The following SLC4A10 variants were observed in gnomAD, a reference collection of about 807,000 sequenced individuals.
SLC4A10 encodes sodium-driven chloride bicarbonate exchanger.
A neutral mutation model predicts 137.7 loss-of-function variants in SLC4A10; 42 were observed. The observed-to-expected ratio is 0.30, with a 90% CI of 0.24 to 0.39. SLC4A10 has a LOEUF of 0.39. SLC4A10 is among the 10% of genes least tolerant of loss of function. SLC4A10 has a pLI of 1.00. For synonymous variants in SLC4A10, 474 were observed against 464.1 expected (o/e 1.02, Z -0.27); for missense variants, 925 against 1,355.0 (o/e 0.68, Z 4.98).
At chr2:161,752,363 T>A (rs539115508) in intron 1 of SLC4A10, among the ~76,000 whole-genome samples, 75 of 152,102 alleles carry the variant, frequency 4.9e-4, no homozygotes, top group Admixed American at 2.9e-3. Flanking sequence ...AGCTCAAATT[T>A]AAAAAGCCTT....
At chr2:161,727,095 T>C (rs2125154883) in intron 1 of SLC4A10, among the ~76,000 whole-genome samples, 1 of 152,352 alleles carries the variant, frequency 6.6e-6, no homozygotes, top group South Asian at 2.1e-4. Context: ...CTTTGGACTA[T>C]GTAACCCAGG....
At chr2:161,914,906 C>T (rs2105443730) in intron 15 of SLC4A10, among the ~76,000 whole-genome samples, 1 of 152,162 alleles carries the variant, frequency 6.6e-6, no homozygotes, top group Non-Finnish European at 1.5e-5. Context: ...GGGGTGAGTC[C>T]CTGGCAAAAC....
rs960048271 is a variant in SLC4A10 at position 161,637,065 on chromosome 2, C to T, written c.48+12499C>T. 2.5e-5 allele frequency among the ~76,000 whole-genome samples: 3 copies of T among 122,218 alleles called. No individual in the cohort carries two copies. The Admixed American group carries it at 2.5e-4, about 10-fold the overall frequency. The allele number at this position is 122,218 out of a possible 152,430, so 80.2% of individuals were successfully genotyped here. A position where few individuals can be genotyped will look rare whatever the true frequency, so the allele number is the denominator to read the frequency against. Reference sequence around the variant, plus strand: ...TGTATATAGATATATATGTATATATCTATATACATAAATACGTATATACAT... The same window carrying T: ...TGTATATAGATATATATGTATATATTTATATACATAAATACGTATATACAT... On this transcript the variant is annotated intron_variant, in intron 1 of 26. Coordinates refer to ENST00000446997, the MANE Select transcript of SLC4A10 (RefSeq NM_001178015.2).
At position 161,903,915 on chromosome 2, in the gene SLC4A10, C is replaced by T. The variant is rs1683716297; in HGVS notation, c.1443-89C>T. The T allele has an allele frequency of 3.0e-6, 4 of 1,324,604 alleles. No individual in the cohort carries two copies. In the African/African-American group the frequency reaches 4.4e-5, roughly 15 times the overall value. 82.1% of individuals were successfully genotyped at this position (1,324,604 alleles called of 1,614,324 possible). A position where few individuals can be genotyped will look rare whatever the true frequency, so the allele number is the denominator to read the frequency against. ...CACCTCTGCTGATGGAAAACGTATA[C>T]TGTGACCTGGCAACAAAGCAAATGA... On this transcript the variant is annotated intron_variant, in intron 12 of 26. Transcript: ENST00000446997.
At chr2:161,681,810 C>T (rs796497577) in intron 1 of SLC4A10, among the ~76,000 whole-genome samples, 1 of 152,160 alleles carries the variant, frequency 6.6e-6, no homozygotes, top group African/African-American at 2.4e-5. Context: ...GGAATGAAAA[C>T]CTAATTGTGG....
intron 1 of SLC4A10, among the ~76,000 whole-genome samples, chr2:161,670,297 T>TCAA (rs2039541833): frequency 1.8e-5 from 1 of 56,342 alleles, no homozygotes; most frequent in Non-Finnish European, 4.8e-5. Flanking sequence ...CTCCCTTTCA[T>TCAA]CTTCTTTTTT....
chr2:161,818,327 T>C lies in SLC4A10; in HGVS notation c.277+13732T>C, dbSNP rs564960884. ...AATGCTTATGATTTTTCCACATTGATTTTTGTATCCTGAGACTTGTTGTAG... is the reference window on the plus strand; with the variant it reads ...AATGCTTATGATTTTTCCACATTGACTTTTGTATCCTGAGACTTGTTGTAG... On this transcript the variant is annotated intron_variant, in intron 3 of 26. Coordinates refer to ENST00000446997, the MANE Select transcript of SLC4A10 (RefSeq NM_001178015.2). Among the ~76,000 whole-genome samples, 13 of 152,334 alleles carry C rather than the reference T, an allele frequency of 8.5e-5. 1 individual carries two copies. In the South Asian group the frequency reaches 2.7e-3, roughly 32 times the overall value.
intron 6 of SLC4A10, among the ~76,000 whole-genome samples, chr2:161,863,989 C>T (rs1313597612): frequency 5.3e-5 from 8 of 152,092 alleles, no homozygotes; most frequent in Non-Finnish European, 4.4e-5. Context: ...ATCAAGAGGT[C>T]AGGAGATCGT....
chr2:161,739,888 A>G (rs2047710350), intron 1 of SLC4A10, among the ~76,000 whole-genome samples: 1 of 152,100 alleles, frequency 6.6e-6, no homozygotes, highest in African/African-American at 2.4e-5. Context: ...TTAATCCTGG[A>G]AGGGGCTCTT....
At chr2:161,720,280 CT>C (rs953436712) in intron 1 of SLC4A10, among the ~76,000 whole-genome samples, 1 of 152,126 alleles carries the variant, frequency 6.6e-6, no homozygotes, top group African/African-American at 2.4e-5. Context: ...CAGTACCATG[CT>C]GTTTTGGTTA....
At chr2:161,653,681 A>T (rs2037125124) in intron 1 of SLC4A10, among the ~76,000 whole-genome samples, 1 of 152,220 alleles carries the variant, frequency 6.6e-6, no homozygotes, top group Non-Finnish European at 1.5e-5. Context: ...ACTTAGCGTA[A>T]TGTCCTCAAG....
chr2:161,914,588 G>A (rs1686650342), intron 15 of SLC4A10, among the ~76,000 whole-genome samples: 1 of 152,008 alleles, frequency 6.6e-6, no homozygotes, highest in Non-Finnish European at 1.5e-5. Flanking sequence ...TCAATAGGAG[G>A]CTAATTTTAT....
intron 1 of SLC4A10, among the ~76,000 whole-genome samples, chr2:161,689,052 T>A (rs1364337382): frequency 6.6e-6 from 1 of 152,116 alleles, no homozygotes; most frequent in Admixed American, 6.6e-5. Flanking sequence ...ATATAAAGAT[T>A]GAAAATATAT....
chr2:161,948,623 C>T (rs1694258195), intron 17 of SLC4A10, among the ~76,000 whole-genome samples: 1 of 152,084 alleles, frequency 6.6e-6, no homozygotes, highest in Admixed American at 6.6e-5. Flanking sequence ...AATTGGCTCA[C>T]ATAGAATAAA....
chr2:161,747,355 G>A (rs1434801785), intron 1 of SLC4A10, among the ~76,000 whole-genome samples: 2 of 152,064 alleles, frequency 1.3e-5, no homozygotes, highest in Non-Finnish European at 2.9e-5. Context: ...GTGTTCCAAT[G>A]CAAAGTCCCA....
chr2:161,762,412 A>T (rs992742757), intron 1 of SLC4A10, among the ~76,000 whole-genome samples: 5 of 152,116 alleles, frequency 3.3e-5, no homozygotes, highest in African/African-American at 1.2e-4. Context: ...CTCCGAGCTG[A>T]TACTCGTTTA....
intron 1 of SLC4A10, among the ~76,000 whole-genome samples, chr2:161,745,204 T>C (rs903818846): frequency 6.6e-6 from 1 of 152,184 alleles, no homozygotes; most frequent in Non-Finnish European, 1.5e-5. Context: ...ATTTGCCTTT[T>C]TGGGGCTATA....
rs73007045 is a variant in SLC4A10, at chr2:161,627,751, G to A, written c.48+3185G>A. On this transcript the variant is annotated intron_variant, in intron 1 of 26. Coordinates refer to ENST00000446997, the MANE Select transcript of SLC4A10 (RefSeq NM_001178015.2). Reference sequence around the variant, plus strand: ...GGGCGTTCACTCTTGTTGGCTAAGTGTATAGTCTGGTTTTGGTAACAACTG... The same window carrying A: ...GGGCGTTCACTCTTGTTGGCTAAGTATATAGTCTGGTTTTGGTAACAACTG... Among the ~76,000 whole-genome samples, 1,019 of 152,222 alleles carry A rather than the reference G, an allele frequency of 6.7e-3. 11 individuals are homozygous for A. Among genetic ancestry groups the A allele is most frequent in the African/African-American group, 0.023 (971 of 41,568 alleles).
intron 1 of SLC4A10, among the ~76,000 whole-genome samples, chr2:161,682,536 T>C (rs1300189031): frequency 1.3e-5 from 2 of 152,168 alleles, no homozygotes; most frequent in Non-Finnish European, 2.9e-5. Context: ...TTCAATGAGA[T>C]GCTGTTTTGT....
Sources: gnomAD v4.1 joint callset for allele counts (sites outside exome capture counted in the v4.1 genomes callset) on GRCh38, gnomAD v4.1.1 for gene constraint, MANE v1.5 for transcripts, NCBI Gene and HGNC (gene_info 2026-07-23, HGNC 2026-07-21) for gene names.